The following CCSER1 variants were observed in gnomAD, a reference collection of about 807,000 sequenced individuals.
CCSER1 encodes coiled-coil serine rich protein 1, also known as serine-rich coiled-coil domain-containing protein 1.
A neutral mutation model predicts 82.0 loss-of-function variants in CCSER1; 41 were observed. The ratio of observed to expected loss-of-function variants is 0.50; its 90% confidence interval spans 0.39 to 0.65. The LOEUF (loss-of-function observed/expected upper bound fraction) is 0.65. Among genes scored for constraint, CCSER1 ranks in the 30% least tolerant of loss-of-function variants. The probability of loss-of-function intolerance (pLI) is 0.00; values close to 1 mark genes in which losing one functional copy is unlikely to be tolerated. For missense variants in CCSER1, 1,119 were observed against 1,064.2 expected, an observed-to-expected ratio of 1.05 and a Z score of -0.72; for synonymous variants, 414 against 383.9, an observed-to-expected ratio of 1.08 and a Z score of -0.92.
intron 1 of CCSER1, among the ~76,000 whole-genome samples, chr4:90,143,234 A>G (rs184805002): frequency 6.6e-6 from 1 of 152,058 alleles, no homozygotes; most frequent in East Asian, 1.9e-4. Context: ...ATGGTCTCCC[A>G]TTCCTGCCGT....
chr4:91,509,112 T>A (rs1184122614), intron 10 of CCSER1, among the ~76,000 whole-genome samples: 1 of 151,924 alleles, frequency 6.6e-6, no homozygotes, highest in Non-Finnish European at 1.5e-5. Context: ...GTAGTTTTCA[T>A]TATTTTCTTC....
rs1233371852 is a variant in CCSER1 at position 90,448,464 on chromosome 4, T to G, written c.1604-19770T>G. ...AATTGAATATATATATATATATATATATATATATATATATATATATAGCAC... is the reference window on the plus strand; with the variant it reads ...AATTGAATATATATATATATATATAGATATATATATATATATATATAGCAC... On this transcript the variant is annotated intron_variant, in intron 4 of 10. Coordinates refer to ENST00000509176, the MANE Select transcript of CCSER1 (RefSeq NM_001145065.2). Among the ~76,000 whole-genome samples, 60 of 113,660 alleles carry G rather than the reference T, an allele frequency of 5.3e-4. 1 individual carries two copies. Among genetic ancestry groups the G allele is most frequent in the Non-Finnish European group, 8.3e-4 (46 of 55,486 alleles). The allele number at this position is 113,660 out of a possible 152,430, so 74.6% of individuals were successfully genotyped here.
intron 10 of CCSER1, among the ~76,000 whole-genome samples, chr4:91,477,188 C>A (rs370368170): frequency 1.3e-5 from 2 of 151,570 alleles, no homozygotes; most frequent in Non-Finnish European, 1.5e-5. Flanking sequence ...GATTAATACC[C>A]AGAATAGATA....
chr4:91,225,320 A>G (rs911912388), intron 10 of CCSER1, among the ~76,000 whole-genome samples: 15 of 129,016 alleles, frequency 1.2e-4, no homozygotes, highest in African/African-American at 4.9e-4. Flanking sequence ...TATGTAATAT[A>G]TATGTATATA....
intron 1 of CCSER1, among the ~76,000 whole-genome samples, chr4:90,219,849 TG>T (rs1223170560): frequency 2.6e-5 from 4 of 152,210 alleles, no homozygotes; most frequent in Admixed American, 2.0e-4. Flanking sequence ...GTCTTTAGAT[TG>T]CTTCTATAAA....
intron 1 of CCSER1, among the ~76,000 whole-genome samples, chr4:90,187,958 C>T (rs552187505): frequency 2.0e-5 from 3 of 151,910 alleles, no homozygotes; most frequent in Non-Finnish European, 2.9e-5. Flanking sequence ...AAATTCAGCT[C>T]TTTGTGCTCT....
At chr4:90,323,786 A>G (rs1316849464) in intron 3 of CCSER1, among the ~76,000 whole-genome samples, 5 of 152,094 alleles carry the variant, frequency 3.3e-5, no homozygotes, top group African/African-American at 7.2e-5. Flanking sequence ...GTCATTTAGC[A>G]TTAGGTATAT....
chr4:90,552,140 C>A (rs1201642472), intron 5 of CCSER1, among the ~76,000 whole-genome samples: 1 of 152,148 alleles, frequency 6.6e-6, no homozygotes, highest in Non-Finnish European at 1.5e-5. Flanking sequence ...GGCCCCACGA[C>A]TTAATATTAA....
intron 10 of CCSER1, among the ~76,000 whole-genome samples, chr4:91,108,257 A>G (rs1427866512): frequency 6.6e-6 from 1 of 152,244 alleles, no homozygotes; most frequent in Non-Finnish European, 1.5e-5. Context: ...TGTAAGCTAT[A>G]GAGACAGGGA....
At chr4:90,562,017 C>T (rs140206367) in intron 5 of CCSER1, among the ~76,000 whole-genome samples, 1,879 of 151,766 alleles carry the variant, frequency 0.012, 38 homozygotes, top group African/African-American at 0.043. Flanking sequence ...GGTGAAACCC[C>T]GTCTCTACTA....
At chr4:91,489,774 C>A (rs574910305) in intron 10 of CCSER1, among the ~76,000 whole-genome samples, 5 of 48,166 alleles carry the variant, frequency 1.0e-4, no homozygotes, top group Admixed American at 2.0e-4. Context: ...GGAGACAGAG[C>A]GAGACTCCAT....
intron 1 of CCSER1, among the ~76,000 whole-genome samples, chr4:90,167,897 C>CT (rs1730825360): frequency 2.6e-5 from 4 of 152,000 alleles, no homozygotes; most frequent in Admixed American, 2.6e-4. Context: ...GGGTTGGTTC[C>CT]AAGTCTTTGC....
At chr4:90,247,704 A>G (rs1721687751) in intron 1 of CCSER1, among the ~76,000 whole-genome samples, 1 of 152,090 alleles carries the variant, frequency 6.6e-6, no homozygotes, top group Non-Finnish European at 1.5e-5. Flanking sequence ...ATAATTAGGA[A>G]TATATAATAA....
At chr4:91,346,145 T>A (rs1295193842) in intron 10 of CCSER1, among the ~76,000 whole-genome samples, 1 of 151,674 alleles carries the variant, frequency 6.6e-6, no homozygotes, top group Non-Finnish European at 1.5e-5. Flanking sequence ...TGCCTCAGCC[T>A]CCTTGGGACT....
chr4:91,010,597 T>C (rs1738930175), intron 9 of CCSER1, among the ~76,000 whole-genome samples: 1 of 135,252 alleles, frequency 7.4e-6, no homozygotes, highest in African/African-American at 2.5e-5. Context: ...GTCTTAATTC[T>C]TTTTCATTCT....
At chr4:90,662,199 G>A (rs543733379) in intron 6 of CCSER1, among the ~76,000 whole-genome samples, 9 of 151,894 alleles carry the variant, frequency 5.9e-5, no homozygotes, top group Non-Finnish European at 7.4e-5. Context: ...GGGTTTCACC[G>A]TGTTAGCCAG....
chr4:90,379,043 C>T (rs10516870), intron 3 of CCSER1, among the ~76,000 whole-genome samples: 55,498 of 151,886 alleles, frequency 0.37, 10,658 homozygotes, highest in African/African-American at 0.47. Flanking sequence ...CAGATAAGAG[C>T]GAAAACAGAG....
At chr4:91,598,538 T>A (rs1560791459) in intron 10 of CCSER1, 34 bp from the exon 11 acceptor site, 3 of 1,511,906 alleles carry the variant, frequency 2.0e-6, no homozygotes, top group Non-Finnish European at 1.8e-6. Flanking sequence ...AGTGTTTTTT[T>A]AAGACATCTT....
intron 4 of CCSER1, among the ~76,000 whole-genome samples, chr4:90,410,831 C>T (rs1754650132): frequency 6.6e-6 from 1 of 152,046 alleles, no homozygotes; most frequent in African/African-American, 2.4e-5. Context: ...TCAATGAATC[C>T]AGGAGCTGGT....
Sources: allele counts gnomAD v4.1 joint callset (sites outside exome capture counted in the v4.1 genomes callset), GRCh38; gene constraint gnomAD v4.1.1; transcripts MANE v1.5; gene names NCBI Gene and HGNC (gene_info 2026-07-23, HGNC 2026-07-21).